Variants in ZMAT4 observed in about 807,000 individuals in gnomAD.
ZMAT4 encodes zinc finger matrin-type 4.
A neutral mutation model predicts 28.7 loss-of-function variants in ZMAT4; 17 were observed. That is an observed-to-expected ratio of 0.59 (90% CI 0.41 to 0.89). The LOEUF (loss-of-function observed/expected upper bound fraction) is 0.89, where lower values mean the gene tolerates loss of function less well. ZMAT4 is among the 40% of genes least tolerant of loss of function. The pLI is 0.00. For synonymous variants in ZMAT4, 117 were observed against 109.2 expected (o/e 1.07, Z -0.44); for missense variants, 240 against 283.8 (o/e 0.85, Z 1.11).
intron 2 of ZMAT4, among the ~76,000 whole-genome samples, chr8:40,771,401 T>A (rs976801390): frequency 6.6e-6 from 1 of 151,928 alleles, no homozygotes; most frequent in Non-Finnish European, 1.5e-5. Flanking sequence ...TTTTTTATTT[T>A]TATAACAAAT....
At chr8:40,726,464 AC>A (rs1241651041) in intron 3 of ZMAT4, among the ~76,000 whole-genome samples, 1 of 152,222 alleles carries the variant, frequency 6.6e-6, no homozygotes, top group East Asian at 1.9e-4. Flanking sequence ...CTGCCGCCTT[AC>A]TGCAAAATGG....
At chr8:40,790,531 C>G (rs1386892973) in intron 2 of ZMAT4, among the ~76,000 whole-genome samples, 2 of 151,910 alleles carry the variant, frequency 1.3e-5, no homozygotes, top group Admixed American at 6.6e-5. Flanking sequence ...TGTTTAAATA[C>G]CATTTATAAT....
chr8:40,682,957 G>T (rs548661617), intron 4 of ZMAT4, among the ~76,000 whole-genome samples: 23 of 152,228 alleles, frequency 1.5e-4, no homozygotes, highest in South Asian at 2.1e-4. Flanking sequence ...ACTTTCTTGT[G>T]TTGCTTGGCA....
intron 5 of ZMAT4, among the ~76,000 whole-genome samples, chr8:40,623,934 G>T (rs1806286238): frequency 6.6e-6 from 1 of 152,170 alleles, no homozygotes; most frequent in Non-Finnish European, 1.5e-5. Flanking sequence ...AAGCTTATGA[G>T]AAACATCAAT....
At chr8:40,864,077 T>A (rs1453132774) in intron 1 of ZMAT4, among the ~76,000 whole-genome samples, 1 of 152,214 alleles carries the variant, frequency 6.6e-6, no homozygotes, top group African/African-American at 2.4e-5. Flanking sequence ...TAAATAACTT[T>A]CTTAATTCTT....
At chr8:40,581,429 G>T (rs1453214957) in intron 5 of ZMAT4, among the ~76,000 whole-genome samples, 168 bp from the exon 6 acceptor site, 2 of 152,140 alleles carry the variant, frequency 1.3e-5, no homozygotes, top group South Asian at 2.1e-4. Flanking sequence ...TCTCTTAGCA[G>T]AAGTGTAATT....
intron 1 of ZMAT4, among the ~76,000 whole-genome samples, chr8:40,851,692 C>T (rs925182612): frequency 3.3e-5 from 5 of 152,090 alleles, no homozygotes; most frequent in Non-Finnish European, 7.4e-5. Context: ...GGGTAATTAC[C>T]ATACATACAT....
intron 1 of ZMAT4, among the ~76,000 whole-genome samples, chr8:40,836,395 G>A (rs895652250): frequency 6.6e-6 from 1 of 152,136 alleles, no homozygotes; most frequent in Non-Finnish European, 1.5e-5. Context: ...CCCAGCAACT[G>A]CACTCCTAAT....
intron 2 of ZMAT4, among the ~76,000 whole-genome samples, chr8:40,801,410 G>A (rs1814842432): frequency 6.7e-6 from 1 of 148,528 alleles, no homozygotes; most frequent in African/African-American, 2.5e-5. Flanking sequence ...GCTCACGCCT[G>A]TAATCCCAGC....
chr8:40,726,065 T>C (rs1402627082), intron 3 of ZMAT4, among the ~76,000 whole-genome samples: 1 of 152,234 alleles, frequency 6.6e-6, no homozygotes, highest in African/African-American at 2.4e-5. Flanking sequence ...CTTGTTGTTT[T>C]TGACAGAGGT....
At chr8:40,747,075 T>C (rs1812271303) in intron 3 of ZMAT4, among the ~76,000 whole-genome samples, 4 of 152,210 alleles carry the variant, frequency 2.6e-5, no homozygotes, top group African/African-American at 7.2e-5. Flanking sequence ...TTCCCGGCTG[T>C]GCTCACTACT....
At chr8:40,893,648 A>G (rs1006730562) in intron 1 of ZMAT4, among the ~76,000 whole-genome samples, 1 of 152,192 alleles carries the variant, frequency 6.6e-6, no homozygotes, top group Non-Finnish European at 1.5e-5. Flanking sequence ...TTGACTGTGC[A>G]CATCTTTTGT....
At chr8:40,651,309 A>G (rs1807635595) in intron 5 of ZMAT4, among the ~76,000 whole-genome samples, 1 of 152,230 alleles carries the variant, frequency 6.6e-6, no homozygotes, top group Non-Finnish European at 1.5e-5. Context: ...CCAAATCATG[A>G]GTGAACTCTC....
intron 6 of ZMAT4, among the ~76,000 whole-genome samples, chr8:40,550,094 G>T (rs1256212052): frequency 6.6e-6 from 1 of 152,086 alleles, no homozygotes; most frequent in Non-Finnish European, 1.5e-5. Context: ...TCCCTATGGG[G>T]AGTAGTCAAT....
At chr8:40,626,239 C>T (rs888828812) in intron 5 of ZMAT4, among the ~76,000 whole-genome samples, 3 of 151,996 alleles carry the variant, frequency 2.0e-5, no homozygotes, top group Non-Finnish European at 2.9e-5. Context: ...TCCCTGGAAT[C>T]AAGTACGAAA....
chr8:40,610,812 A>G (rs1805766020), intron 5 of ZMAT4, among the ~76,000 whole-genome samples: 1 of 152,134 alleles, frequency 6.6e-6, no homozygotes, highest in African/African-American at 2.4e-5. Context: ...ATAAACAGCA[A>G]AAAGGGGAAT....
intron 3 of ZMAT4, among the ~76,000 whole-genome samples, chr8:40,753,471 T>G (rs1242619569): frequency 2.0e-5 from 3 of 152,228 alleles, no homozygotes; most frequent in African/African-American, 7.2e-5. Flanking sequence ...GAGTTCTTTA[T>G]TCTAAGCTTT....
At chr8:40,725,154 C>A (rs1390064044) in intron 3 of ZMAT4, among the ~76,000 whole-genome samples, 2 of 152,124 alleles carry the variant, frequency 1.3e-5, no homozygotes, top group African/African-American at 4.8e-5. Context: ...AGTTGTGCTT[C>A]CTGAGACACC....
chr8:40,773,851 G>T (rs74693280), intron 2 of ZMAT4, among the ~76,000 whole-genome samples: 2 of 149,528 alleles, frequency 1.3e-5, no homozygotes, highest in East Asian at 3.9e-4. Flanking sequence ...AAAGTAAAAT[G>T]AGAAAAAAAA....
Sources: gnomAD v4.1 joint callset for allele counts (sites outside exome capture counted in the v4.1 genomes callset) on GRCh38, gnomAD v4.1.1 for gene constraint, MANE v1.5 for transcripts, NCBI Gene and HGNC (gene_info 2026-07-23, HGNC 2026-07-21) for gene names.